Variants in GRAMD2B observed in about 807,000 individuals in gnomAD.
The protein encoded by GRAMD2B is GRAM domain containing 2B, also known as GRAM domain-containing protein 2B.
A neutral mutation model predicts 59.2 loss-of-function variants in GRAMD2B; 41 were observed. That is an observed-to-expected ratio of 0.69 (90% CI 0.54 to 0.90). The LOEUF (loss-of-function observed/expected upper bound fraction) is 0.90. Among genes scored for constraint, GRAMD2B ranks in the 40% least tolerant of loss-of-function variants. The pLI, the probability that GRAMD2B is intolerant of heterozygous loss-of-function variation, is 0.00. For synonymous variants in GRAMD2B, 161 were observed against 182.7 expected (o/e 0.88, Z 0.96); for missense variants, 424 against 500.5 (o/e 0.85, Z 1.46).
intron 1 of GRAMD2B, among the ~76,000 whole-genome samples, chr5:126,376,685 C>A (rs960105820): frequency 6.6e-6 from 1 of 152,132 alleles, no homozygotes; most frequent in Non-Finnish European, 1.5e-5. Context: ...GGAGTGGGGC[C>A]AAGTCCTGGA....
At chr5:126,418,926 A>G (rs1476292169), upstream of GRAMD2B, among the ~76,000 whole-genome samples, 1 of 152,220 alleles carries the variant, frequency 6.6e-6, no homozygotes, top group South Asian at 2.1e-4. Context: ...CTTATAAAAT[A>G]TCATGCATAG....
upstream of GRAMD2B, among the ~76,000 whole-genome samples, chr5:126,370,249 G>T (rs1400463001): frequency 6.6e-6 from 1 of 152,180 alleles, no homozygotes; most frequent in African/African-American, 2.4e-5. Context: ...TGTTCTTAGG[G>T]TCAATACAGC....
At chr5:126,474,436 T>G (rs541729719) in intron 5 of GRAMD2B, among the ~76,000 whole-genome samples, 15 of 152,234 alleles carry the variant, frequency 9.9e-5, no homozygotes, top group South Asian at 2.1e-4. Flanking sequence ...TTTTTTATCA[T>G]ATAGAGCTAT....
rs776647125 is a variant in GRAMD2B, at chr5:126,465,527, A to C, written c.185A>C (p.Lys62Thr). Residue 62 changes from lysine (K) to threonine (T), a missense_variant, in exon 2 of 14, where the codon AAG (lysine) becomes ACG (threonine). By Grantham distance (78) the Lys-to-Thr change is moderately conservative. Coordinates refer to ENST00000285689, the MANE Select transcript of GRAMD2B (RefSeq NM_023927.4). ...PSVEADSPDQ[K>T]KIISLWSKSS... ...GTGGAGGCGGACTCCCCAGACCAGAAGAAAATCATTAGCCTATGGTAAGTC... is the reference window on the plus strand; with the variant it reads ...GTGGAGGCGGACTCCCCAGACCAGACGAAAATCATTAGCCTATGGTAAGTC... 4 of 1,613,846 alleles carry C rather than the reference A, an allele frequency of 2.5e-6. No homozygotes were observed. The South Asian group carries it at 4.4e-5, about 18-fold the overall frequency.
rs1040920374 is a variant in GRAMD2B, at chr5:126,404,974, G to A, written c.125+33407G>A. ...CCACTCTTTCATTTTCTACACTGAG[G>A]AAACCAAAGCTCAGAGAGGTCAAGT... On this transcript the variant is annotated intron_variant, in intron 1 of 8. Transcript: ENST00000506445. Among the ~76,000 whole-genome samples, 9 of 151,840 alleles carry A rather than the reference G, an allele frequency of 5.9e-5. No homozygotes were observed. In the South Asian group the frequency reaches 1.0e-3, roughly 18 times the overall value.
rs188187861 is a variant in GRAMD2B, at chr5:126,475,983, C to G, written c.487-1709C>G. Among the ~76,000 whole-genome samples, 195 of 152,334 alleles carry G rather than the reference C, an allele frequency of 1.3e-3. 2 individuals carry two copies. The highest frequency in any genetic ancestry group is 4.4e-3 in the African/African-American group (184 of 41,576). On this transcript the variant is annotated intron_variant, in intron 5 of 13. Transcript: ENST00000285689. ...ATCAGCCAGGCATGGTGGTACATGC[C>G]TGTAATCCCAGCTACTAGGGAGGCT...
chr5:126,367,701 A>T (rs1935445939), upstream of GRAMD2B, among the ~76,000 whole-genome samples: 1 of 152,112 alleles, frequency 6.6e-6, no homozygotes, highest in Admixed American at 6.5e-5. Flanking sequence ...GCCAAACTTT[A>T]ATTTGTAGGG....
intron 1 of GRAMD2B, among the ~76,000 whole-genome samples, chr5:126,455,029 C>G (rs34591129): frequency 0.31 from 47,669 of 152,078 alleles, 7,890 homozygotes; most frequent in East Asian, 0.6. Flanking sequence ...GCCATCCTCT[C>G]CATCCCCCAG....
At chr5:126,381,387 T>G (rs1462544728) in intron 1 of GRAMD2B, among the ~76,000 whole-genome samples, 3 of 152,194 alleles carry the variant, frequency 2.0e-5, no homozygotes, top group African/African-American at 7.2e-5. Flanking sequence ...TTTCCTGGTT[T>G]TGGTACTGGG....
chr5:126,488,614 T>A (rs1047981827), intron 12 of GRAMD2B, among the ~76,000 whole-genome samples, 185 bp from the exon 13 acceptor site: 6 of 152,218 alleles, frequency 3.9e-5, no homozygotes, highest in African/African-American at 1.4e-4. Context: ...TTTTAAGAAT[T>A]AGTTCCCTAA....
At chr5:126,407,446 C>T (rs1449833431) in intron 1 of GRAMD2B, among the ~76,000 whole-genome samples, 1 of 151,992 alleles carries the variant, frequency 6.6e-6, no homozygotes, top group Non-Finnish European at 1.5e-5. Context: ...ATTCCAATGA[C>T]TCTTACTACT....
At chr5:126,387,132 G>T (rs1756218846) in intron 1 of GRAMD2B, among the ~76,000 whole-genome samples, 1 of 151,996 alleles carries the variant, frequency 6.6e-6, no homozygotes, top group Non-Finnish European at 1.5e-5. Context: ...AGCTATTTCA[G>T]TTCTCCCATA....
intron 1 of GRAMD2B, among the ~76,000 whole-genome samples, chr5:126,448,886 C>T (rs1021745238): frequency 6.6e-6 from 1 of 152,162 alleles, no homozygotes; most frequent in African/African-American, 2.4e-5. Flanking sequence ...TACATGCCGG[C>T]CTCAAACACC....
chr5:126,416,990 G>T (rs928216452), intron 1 of GRAMD2B, among the ~76,000 whole-genome samples: 1 of 152,190 alleles, frequency 6.6e-6, no homozygotes, highest in Non-Finnish European at 1.5e-5. Flanking sequence ...AACAGCATGG[G>T]TTTTACCTGT....
At position 126,480,987 on chromosome 5, in the gene GRAMD2B, C is replaced by G. The variant is rs551733406; in HGVS notation, c.735+280C>G. The G allele has an allele frequency of 4.6e-5, 21 of 461,310 alleles. No homozygotes were observed. In the Admixed American group the frequency reaches 7.1e-4, roughly 16 times the overall value. 28.6% of individuals were successfully genotyped at this position (461,310 alleles called of 1,614,324 possible). On this transcript the variant is annotated intron_variant, in intron 8 of 13. Transcript: ENST00000285689. ...GTGAATGCATTCATAAAATCTTGCT[C>G]TGTTTGCTTGTCAATATTGGCTTAG... is the stretch of plus-strand genomic sequence containing the variant.
chr5:126,423,444 C>G lies in GRAMD2B; in HGVS notation c.-163C>G, dbSNP rs1759985495. ...GCTCCGACGTGTCCAGGTCCGCGGC[C>G]CCGGGAGCTTGGCGCGGCCCGGCCT... On this transcript the variant is annotated 5_prime_UTR_variant, in exon 1 of 14. Coordinates refer to ENST00000285689, the MANE Select transcript of GRAMD2B (RefSeq NM_023927.4). The G allele has an allele frequency of 7.1e-7, 1 of 1,415,010 alleles. No homozygotes were observed. The highest frequency in any genetic ancestry group is 3.5e-5 in the Admixed American group (1 of 28,540). The allele number at this position is 1,415,010 out of a possible 1,614,324, so 87.7% of individuals were successfully genotyped here. A position where few individuals can be genotyped will look rare whatever the true frequency, so the allele number is the denominator to read the frequency against.
At chr5:126,485,601 C>A in intron 10 of GRAMD2B, 85 bp from the exon 11 acceptor site, 1 of 724,942 alleles carries the variant, frequency 1.4e-6, no homozygotes, top group Non-Finnish European at 2.3e-6. Context: ...ACAATTACCT[C>A]TCTCAAGTAC....
At chr5:126,455,074 G>A (rs983857188) in intron 1 of GRAMD2B, among the ~76,000 whole-genome samples, 1 of 152,058 alleles carries the variant, frequency 6.6e-6, no homozygotes, top group Non-Finnish European at 1.5e-5. Flanking sequence ...CCTCTCCATT[G>A]CGTGCTCTCC....
At chr5:126,393,032 C>T (rs1314873793) in intron 1 of GRAMD2B, among the ~76,000 whole-genome samples, 2 of 152,312 alleles carry the variant, frequency 1.3e-5, no homozygotes, top group South Asian at 2.1e-4. Flanking sequence ...AATTACACCG[C>T]AGGACTCAAA....
Sources: allele counts gnomAD v4.1 joint callset (sites outside exome capture counted in the v4.1 genomes callset), GRCh38; gene constraint gnomAD v4.1.1; transcripts MANE v1.5; gene names NCBI Gene and HGNC (gene_info 2026-07-23, HGNC 2026-07-21).